SETD7: variants seen among roughly 807,000 people sequenced by gnomAD.
SETD7 encodes the protein SET domain containing 7, histone lysine methyltransferase.
SETD7 carries 16 observed loss-of-function variants against 41.8 expected under a neutral mutation model. The ratio of observed to expected loss-of-function variants is 0.38; its 90% confidence interval spans 0.26 to 0.58. The LOEUF (loss-of-function observed/expected upper bound fraction) is 0.58, where lower values mean the gene tolerates loss of function less well. Ranked by LOEUF, SETD7 falls within the 20% of genes least tolerant of loss-of-function variation. The pLI, the probability that SETD7 is intolerant of heterozygous loss-of-function variation, is 0.64. For synonymous variants in SETD7, 163 were observed against 169.7 expected, an observed-to-expected ratio of 0.96 and a Z score of 0.31; for missense variants, 346 against 459.7, an observed-to-expected ratio of 0.75 and a Z score of 2.26.
chr4:139,517,353 T>C (rs914750391), intron 7 of SETD7, among the ~76,000 whole-genome samples: 1 of 152,004 alleles, frequency 6.6e-6, no homozygotes, highest in South Asian at 2.1e-4. Context: ...CGCATGCCTG[T>C]AATCCCAGCT....
intron 4 of SETD7, among the ~76,000 whole-genome samples, chr4:139,527,410 T>G (rs1279592001): frequency 3.3e-5 from 5 of 152,002 alleles, no homozygotes; most frequent in Non-Finnish European, 7.4e-5. Flanking sequence ...TAAAAATATT[T>G]AGCTGGGCAT....
chr4:139,511,451 C>G lies in SETD7; in HGVS notation c.*212G>C. 1.4e-6 allele frequency: 1 copy of G among 730,944 alleles called. No individual in the cohort carries two copies. The highest frequency in any genetic ancestry group is 2.1e-5 in the South Asian group (1 of 48,066). 45.3% of individuals were successfully genotyped at this position (730,944 alleles called of 1,614,324 possible). ...ATGTCAAATGCTCGACAATACCTCT[C>G]AGTAGGACGTTGTTGCAAGGCTAGC... is the stretch of plus-strand genomic sequence containing the variant. On this transcript the variant is annotated 3_prime_UTR_variant, in exon 8 of 8. Coordinates refer to ENST00000274031, the MANE Select transcript of SETD7 (RefSeq NM_030648.4).
intron 7 of SETD7, among the ~76,000 whole-genome samples, chr4:139,498,999 T>C (rs1726518531): frequency 6.6e-6 from 1 of 152,084 alleles, no homozygotes; most frequent in Admixed American, 6.6e-5. Context: ...GAGGCAGGGG[T>C]TGCAGTGAGC....
rs1434652510 is a variant in SETD7 at position 139,528,845 on chromosome 4, G to C, written c.562+186C>G. 2.6e-5 allele frequency among the ~76,000 whole-genome samples: 4 copies of C among 152,176 alleles called. No individual in the cohort carries two copies. In the South Asian group the frequency reaches 6.2e-4, roughly 24 times the overall value. ...TCAGCCAGCTGGAGTACAGCTGCTCGGCAGAGCTGTGGTTGCTGTTGTAAA... is the reference window on the plus strand; with the variant it reads ...TCAGCCAGCTGGAGTACAGCTGCTCCGCAGAGCTGTGGTTGCTGTTGTAAA... On this transcript the variant is annotated intron_variant, in intron 4 of 7. Transcript: ENST00000274031.
chr4:139,511,925 A>G, intron 7 of SETD7, 82 bp from the exon 8 acceptor site: 1 of 1,519,328 alleles, frequency 6.6e-7, no homozygotes, highest in Non-Finnish European at 8.8e-7. Flanking sequence ...TGATACAGGA[A>G]TCACCCCCAG....
At chr4:139,530,356 CTTTTTTTTT>C (rs70943427) in intron 3 of SETD7, among the ~76,000 whole-genome samples, 1 of 126,932 alleles carries the variant, frequency 7.9e-6, no homozygotes. Flanking sequence ...CAAATGCTGC[CTTTTTTTTT>C]TTTTTTTTTT....
At position 139,549,581 on chromosome 4, in the gene SETD7, C is replaced by T. The variant is rs116685177; in HGVS notation, c.41-2532G>A. ...CTCCTTTTCTTCCTTTCTTACCTCACTCCCTCCTTCCCTCTTTCTCTTCCT... is the reference window on the plus strand; with the variant it reads ...CTCCTTTTCTTCCTTTCTTACCTCATTCCCTCCTTCCCTCTTTCTCTTCCT... On this transcript the variant is annotated intron_variant, in intron 1 of 7. Transcript: ENST00000274031. Among the ~76,000 whole-genome samples, 727 of 149,898 alleles carry T rather than the reference C, an allele frequency of 4.8e-3. 7 individuals are homozygous for T. The highest frequency in any genetic ancestry group is 0.016 in the African/African-American group (660 of 40,938).
chr4:139,496,572 T>TACATAGGGAAGG, intron 7 of SETD7: 1 of 678,082 alleles, frequency 1.5e-6, no homozygotes, highest in Non-Finnish European at 2.7e-6. Context: ...ATTATTAAGG[T>TACATAGGGAAGG]ACATAGATCT....
intron 1 of SETD7, among the ~76,000 whole-genome samples, chr4:139,550,922 T>C (rs1033687430): frequency 6.6e-6 from 1 of 152,088 alleles, no homozygotes; most frequent in African/African-American, 2.4e-5. Context: ...CCACACTGAG[T>C]GTGCTGATGA....
intron 2 of SETD7, among the ~76,000 whole-genome samples, chr4:139,538,006 T>C (rs1727684225): frequency 2.0e-5 from 3 of 152,184 alleles, no homozygotes; most frequent in Admixed American, 2.0e-4. Flanking sequence ...TATTCATGTG[T>C]ATGATGGCAA....
intron 7 of SETD7, among the ~76,000 whole-genome samples, chr4:139,516,891 C>T (rs1727041501): frequency 6.6e-6 from 1 of 152,090 alleles, no homozygotes; most frequent in African/African-American, 2.4e-5. Context: ...CAGTGAGATC[C>T]CATACCCATT....
At position 139,547,147 on chromosome 4, in the gene SETD7, A is replaced by G. The variant is rs1725913854; in HGVS notation, c.41-98T>C. 4 of 1,471,098 alleles carry G rather than the reference A, an allele frequency of 2.7e-6. No individual in the cohort carries two copies. In the East Asian group the frequency reaches 9.2e-5, roughly 34 times the overall value. The allele number at this position is 1,471,098 out of a possible 1,614,324, so 91.1% of individuals were successfully genotyped here. ...ATGCTGCCAGACAAGTCCCCCACCC[A>G]ACTCCCCTCCAGCTGCCAAAGGGTC... On this transcript the variant is annotated intron_variant, in intron 1 of 7. Transcript: ENST00000274031.
At chr4:139,497,110 G>A (rs184325724) in intron 7 of SETD7, among the ~76,000 whole-genome samples, 1 of 152,282 alleles carries the variant, frequency 6.6e-6, no homozygotes, top group Admixed American at 6.5e-5. Context: ...GTTCAACTTT[G>A]TTTACTGTAG....
chr4:139,517,706 A>G (rs773263015), intron 7 of SETD7, among the ~76,000 whole-genome samples, 179 bp downstream of exon 7: 6 of 152,216 alleles, frequency 3.9e-5, no homozygotes, highest in Non-Finnish European at 8.8e-5. Flanking sequence ...CCAAAGCCAC[A>G]GAGTGAGGCT....
At chr4:139,536,502 A>C (rs1727639895) in intron 2 of SETD7, among the ~76,000 whole-genome samples, 2 of 152,164 alleles carry the variant, frequency 1.3e-5, no homozygotes. Context: ...GCTTGAGGCC[A>C]GGAGTTTAAG....
In SETD7 at chr4:139,518,023, G is replaced by T. The variant is rs528763747; in HGVS notation, c.782C>A (p.Ala261Asp). ...THQEVDSRDWALNGNTLSLDE... is the reference protein window; with the variant it reads ...THQEVDSRDWDLNGNTLSLDE... ...AAGGGAGAGGGTGTTCCCATTAAGG[G>T]CCCAGTCCCTGCTGTCAACCTGCAG... The change falls in exon 7 of 8, where the codon GCC (alanine) becomes GAC (aspartate). Residue 261 changes from alanine (A) to aspartate (D), a missense_variant. Coordinates refer to ENST00000274031, the MANE Select transcript of SETD7 (RefSeq NM_030648.4). 4.3e-6 allele frequency: 7 copies of T among 1,613,224 alleles called. No individual in the cohort carries two copies. Among genetic ancestry groups the T allele is most frequent in the Non-Finnish European group, 5.9e-6 (7 of 1,179,624 alleles).
At position 139,506,312 on chromosome 4, in the gene SETD7, C is replaced by T. The variant is rs1018989846; in HGVS notation, c.*5351G>A. On this transcript the variant is annotated 3_prime_UTR_variant, in exon 8 of 8. Transcript: ENST00000274031. ...AAGGCTCATAGTTTTAGTTCAAATT[C>T]CACAAGAGACCAAAGATGCTCGTTA... 3 of 152,590 alleles carry T rather than the reference C, an allele frequency of 2.0e-5. No individual in the cohort carries two copies. Among genetic ancestry groups the T allele is most frequent in the Non-Finnish European group, 4.4e-5 (3 of 68,032 alleles). 9.5% of individuals were successfully genotyped at this position (152,590 alleles called of 1,614,324 possible).
rs1306770135 is a variant in SETD7 at position 139,555,853 on chromosome 4, C to T, written c.40+245G>A. ...GCTGTGGCCGGGCGGGATGGAGCGG[C>T]CGTGCGTTTCCAGCGCCCCCGGCCT... is the stretch of plus-strand genomic sequence containing the variant. On this transcript the variant is annotated intron_variant, in intron 1 of 7. Coordinates refer to ENST00000274031, the MANE Select transcript of SETD7 (RefSeq NM_030648.4). This position sits in a 1 kb window ranked among gnomAD's most constrained non-coding sequence, Gnocchi z 4.0. Among the ~76,000 whole-genome samples, 1 of 152,080 alleles carries T rather than the reference C, an allele frequency of 6.6e-6. No homozygotes were observed. Among genetic ancestry groups the T allele is most frequent in the Non-Finnish European group, 1.5e-5 (1 of 67,972 alleles).
At position 139,523,411 on chromosome 4, in the gene SETD7, G is replaced by A. The variant is rs765029212; in HGVS notation, c.587C>T (p.Ser196Leu). ...PGNSVYHFDK[S>L]TSSCISTNAL... ...ATTGGTAGAAATGCAAGATGAAGTCGACTTATCAAAGTGGTACACTGAATC... is the reference window on the plus strand; with the variant it reads ...ATTGGTAGAAATGCAAGATGAAGTCAACTTATCAAAGTGGTACACTGAATC... The change falls in exon 5 of 8, where the codon TCG (serine) becomes TTG (leucine). Residue 196 changes from serine (S) to leucine (L), a missense_variant. Ser to Leu is a moderately radical substitution (Grantham distance 145, BLOSUM62 -2). This residue lies in a region of SETD7 where 266 missense variants were observed against 377.0 expected (regional missense o/e 0.71). Transcript: ENST00000274031. 24 of 1,613,286 alleles carry A rather than the reference G, an allele frequency of 1.5e-5. No individual in the cohort carries two copies. Among genetic ancestry groups the A allele is most frequent in the Non-Finnish European group, 2.0e-5 (24 of 1,179,350 alleles).
Sources: allele counts gnomAD v4.1 joint callset (sites outside exome capture counted in the v4.1 genomes callset), GRCh38; gene constraint gnomAD v4.1.1; regional missense constraint gnomAD v4.1.1; non-coding constraint Gnocchi (gnomAD v3.1); transcripts MANE v1.5; gene names NCBI Gene and HGNC (gene_info 2026-07-23, HGNC 2026-07-21).